FSTL4: variants seen among roughly 807,000 people sequenced by gnomAD.
FSTL4 encodes the protein follistatin-related protein 4.
In FSTL4, 28 loss-of-function variants were observed where a neutral mutation model predicts 78.2. The observed-to-expected ratio is 0.36, with a 90% CI of 0.27 to 0.49. FSTL4 has a LOEUF of 0.49. Ranked by LOEUF, FSTL4 falls within the 20% of genes least tolerant of loss-of-function variation. The pLI, the probability that FSTL4 is intolerant of heterozygous loss-of-function variation, is 0.98. For synonymous variants in FSTL4, 422 were observed against 440.5 expected, an observed-to-expected ratio of 0.96 and a Z score of 0.53; for missense variants, 922 against 1,084.9, an observed-to-expected ratio of 0.85 and a Z score of 2.11.
the FSTL4 span, among the ~76,000 whole-genome samples, chr5:133,726,772 A>G: frequency 4.0e-4 from 61 of 152,346 alleles, no homozygotes; most frequent in African/African-American, 1.4e-3. Context: ...TTTAATTTGT[A>G]AAACCAATCA....
intron 4 of FSTL4, chr5:133,388,473 A>C (rs1326405714): frequency 6.6e-6 from 1 of 152,158 alleles, no homozygotes; most frequent in African/African-American, 2.4e-5. Context: ...TTCCTACCAG[A>C]CAGTGTCTGA....
At chr5:133,226,214 G>A (rs1201995499) in intron 8 of FSTL4, among the ~76,000 whole-genome samples, 3 of 152,214 alleles carry the variant, frequency 2.0e-5, no homozygotes, top group African/African-American at 4.8e-5. Context: ...TTAATTTCTT[G>A]CAGGAAATGT....
chr5:133,285,020 G>C (rs750294719), intron 6 of FSTL4, among the ~76,000 whole-genome samples: 1 of 152,210 alleles, frequency 6.6e-6, no homozygotes, highest in African/African-American at 2.4e-5. Context: ...TCTGGAGTAA[G>C]TGGGCACAAG....
the FSTL4 span, among the ~76,000 whole-genome samples, chr5:133,747,055 C>T: frequency 0.22 from 33,024 of 152,050 alleles, 4,045 homozygotes; most frequent in Admixed American, 0.32. Context: ...AGCTTCTCTT[C>T]GGCCATAGAG....
rs1561678176 is a variant in FSTL4, at chr5:133,338,372, C to T, written c.410-21720G>A. Among the ~76,000 whole-genome samples the T allele has an allele frequency of 1.3e-5, 2 of 152,176 alleles. No individual in the cohort carries two copies. Among genetic ancestry groups the T allele is most frequent in the Non-Finnish European group, 1.5e-5 (1 of 68,030 alleles). ...TGGCCTCCACCATGCTCCATCTTCC[C>T]ACCCTGGTGTTCTCAGGCCCTTTTA... On this transcript the variant is annotated intron_variant, in intron 4 of 15. Coordinates refer to ENST00000265342, the MANE Select transcript of FSTL4 (RefSeq NM_015082.2). The surrounding 1 kb of genome is among the most constrained non-coding windows in gnomAD (Gnocchi z 4.0).
At chr5:133,251,339 C>T (rs143133199) in intron 6 of FSTL4, among the ~76,000 whole-genome samples, 150 of 152,256 alleles carry the variant, frequency 9.9e-4, no homozygotes, top group African/African-American at 3.4e-3. Flanking sequence ...CCCTGGGCCA[C>T]GAGGCTTTGT....
At chr5:133,363,175 G>GA (rs201512796) in intron 4 of FSTL4, among the ~76,000 whole-genome samples, 3,487 of 151,892 alleles carry the variant, frequency 0.023, 62 homozygotes, top group Non-Finnish European at 0.036. Context: ...ACTTCACAGA[G>GA]AAAAAAAACA....
chr5:133,394,251 C>T (rs1401856500), intron 4 of FSTL4, among the ~76,000 whole-genome samples: 2 of 152,258 alleles, frequency 1.3e-5, no homozygotes, highest in African/African-American at 4.8e-5. Context: ...CCCACTCTGG[C>T]CATGCTTGAG....
At chr5:133,699,060 C>T in the FSTL4 span, among the ~76,000 whole-genome samples, 3 of 152,176 alleles carry the variant, frequency 2.0e-5, no homozygotes, top group African/African-American at 7.2e-5. Context: ...TCAATGGTGT[C>T]CTGGAGGTCA....
intron 4 of FSTL4, among the ~76,000 whole-genome samples, chr5:133,388,958 G>C (rs1306048273): frequency 1.3e-5 from 2 of 151,960 alleles, no homozygotes; most frequent in African/African-American, 4.8e-5. Context: ...TTGACTGCTT[G>C]AAGTGGAGAA....
chr5:133,717,560 C>T, the FSTL4 span, among the ~76,000 whole-genome samples: 1 of 152,194 alleles, frequency 6.6e-6, no homozygotes, highest in South Asian at 2.1e-4. Context: ...CCAAACGTTC[C>T]TTAGTGCCCC....
the FSTL4 span, among the ~76,000 whole-genome samples, chr5:133,774,515 A>G: frequency 1.7e-4 from 26 of 152,332 alleles, no homozygotes; most frequent in African/African-American, 5.5e-4. Flanking sequence ...ACATTGTGCT[A>G]AGGTCATGTC....
chr5:133,240,318 C>T (rs1215851211), intron 7 of FSTL4, among the ~76,000 whole-genome samples: 1 of 152,208 alleles, frequency 6.6e-6, no homozygotes, highest in South Asian at 2.1e-4. Context: ...GACTTGCCAT[C>T]CTGCAAAGAC....
At chr5:133,678,808 A>G in the FSTL4 span, among the ~76,000 whole-genome samples, 10 of 152,084 alleles carry the variant, frequency 6.6e-5, no homozygotes, top group Non-Finnish European at 1.0e-4. Flanking sequence ...GAGAAAACAG[A>G]GCCCAGGATT....
chr5:133,822,307 T>A, the FSTL4 span, among the ~76,000 whole-genome samples: 1 of 152,318 alleles, frequency 6.6e-6, no homozygotes, highest in Admixed American at 6.5e-5. Context: ...GTTAGCCTTT[T>A]GAGACCTCAA....
intron 6 of FSTL4, among the ~76,000 whole-genome samples, chr5:133,281,301 G>T (rs906841089): frequency 1.3e-5 from 2 of 152,140 alleles, no homozygotes; most frequent in Non-Finnish European, 2.9e-5. Context: ...GCTGACTGTT[G>T]CCTGAAACCC....
At chr5:133,702,910 C>T in the FSTL4 span, among the ~76,000 whole-genome samples, 2 of 152,190 alleles carry the variant, frequency 1.3e-5, no homozygotes, top group African/African-American at 4.8e-5. Context: ...ACATACCCAT[C>T]GCTCTCTCTT....
chr5:133,376,097 T>C (rs999567408), intron 4 of FSTL4, among the ~76,000 whole-genome samples: 2 of 152,224 alleles, frequency 1.3e-5, no homozygotes, highest in African/African-American at 2.4e-5. Flanking sequence ...TTTATAAACA[T>C]ATACAAAGTC....
chr5:133,287,022 TC>T (rs1403537335), intron 6 of FSTL4, among the ~76,000 whole-genome samples: 2 of 152,212 alleles, frequency 1.3e-5, no homozygotes, highest in Admixed American at 1.3e-4. Context: ...CTGGTTGCAT[TC>T]CCATCTTTAT....
Sources: allele counts gnomAD v4.1 joint callset (sites outside exome capture counted in the v4.1 genomes callset), GRCh38; gene constraint gnomAD v4.1.1; non-coding constraint Gnocchi (gnomAD v3.1); transcripts MANE v1.5; gene names NCBI Gene and HGNC (gene_info 2026-07-23, HGNC 2026-07-21).